The following CREB1 variants were observed in gnomAD, a reference collection of about 807,000 sequenced individuals.
The protein encoded by CREB1 is cAMP responsive element binding protein 1, also known as cyclic AMP-responsive element-binding protein 1.
CREB1 carries 2 observed loss-of-function variants against 42.0 expected under a neutral mutation model. That is an observed-to-expected ratio of 0.05 (90% CI 0.02 to 0.15). The LOEUF (loss-of-function observed/expected upper bound fraction) is 0.15, where lower values mean the gene tolerates loss of function less well. CREB1 is among the 10% of genes least tolerant of loss of function. The probability of loss-of-function intolerance (pLI) is 1.00; values close to 1 mark genes in which losing one functional copy is unlikely to be tolerated. For synonymous variants in CREB1, 123 were observed against 139.9 expected (o/e 0.88, Z 0.85); for missense variants, 199 against 388.9 (o/e 0.51, Z 4.11).
At chr2:207,530,622 G>A (rs2080569296) in intron 1 of CREB1, among the ~76,000 whole-genome samples, 1 of 149,290 alleles carries the variant, frequency 6.7e-6, no homozygotes, top group African/African-American at 2.4e-5. Flanking sequence ...CGACCCGGCC[G>A]GGCCTCCGGG....
intron 7 of CREB1, among the ~76,000 whole-genome samples, chr2:207,588,906 C>A (rs2084433513): frequency 6.7e-6 from 1 of 150,370 alleles, no homozygotes; most frequent in Non-Finnish European, 1.5e-5. Context: ...GGTGTAGATT[C>A]TTTGGGATTC....
intron 1 of CREB1, among the ~76,000 whole-genome samples, chr2:207,543,014 A>G (rs752213110): frequency 2.6e-5 from 4 of 152,230 alleles, no homozygotes; most frequent in African/African-American, 4.8e-5. Context: ...GGACCCCTTC[A>G]GGTACCAAAT....
In CREB1 at chr2:207,597,297, C is replaced by A. The variant is rs1248652647; in HGVS notation, c.*239C>A. 2 of 415,702 alleles carry A rather than the reference C, an allele frequency of 4.8e-6. No individual in the cohort carries two copies. Among genetic ancestry groups the A allele is most frequent in the African/African-American group, 2.1e-5 (1 of 48,146 alleles). 25.8% of individuals were successfully genotyped at this position (415,702 alleles called of 1,614,324 possible). Reference sequence around the variant, plus strand: ...AACGCCAGGAATCATGAAGAGACTTCTGCTTTTCAACCCCCACCCTCCTCA... The same window carrying A: ...AACGCCAGGAATCATGAAGAGACTTATGCTTTTCAACCCCCACCCTCCTCA... On this transcript the variant is annotated 3_prime_UTR_variant, in exon 8 of 8. Transcript: ENST00000353267.
rs561431993 is a variant in CREB1, at chr2:207,597,235, C to A, written c.*177C>A. 3.4e-6 allele frequency: 2 copies of A among 592,240 alleles called. No individual in the cohort carries two copies. Among genetic ancestry groups the A allele is most frequent in the Non-Finnish European group, 5.3e-6 (2 of 375,054 alleles). The allele number at this position is 592,240 out of a possible 1,614,324, so 36.7% of individuals were successfully genotyped here. The stretch of plus-strand genomic sequence containing the variant: ...CTTTTGCATTAAACTGTGAATGTTC[C>A]AACACCTGCCTCCACTTCTCCCCTC... On this transcript the variant is annotated 3_prime_UTR_variant, in exon 8 of 8. Coordinates refer to ENST00000353267, the MANE Select transcript of CREB1 (RefSeq NM_004379.5).
At chr2:207,562,304 C>G (rs1345046173) in intron 3 of CREB1, among the ~76,000 whole-genome samples, 1 of 152,082 alleles carries the variant, frequency 6.6e-6, no homozygotes, top group African/African-American at 2.4e-5. Flanking sequence ...TATAGAAGAT[C>G]TTTCTATAAA....
At chr2:207,584,023 C>G (rs77540728) in intron 7 of CREB1, among the ~76,000 whole-genome samples, 1,830 of 152,216 alleles carry the variant, frequency 0.012, 22 homozygotes, top group African/African-American at 0.028. Context: ...TGGGACTTAT[C>G]CCAGATAATT....
At position 207,578,785 on chromosome 2, in the gene CREB1, C is replaced by CAAGTG. The variant is rs200966442; in HGVS notation, c.839+1132_839+1136dup. 8.6e-3 allele frequency among the ~76,000 whole-genome samples: 1,305 copies of CAAGTG among 151,822 alleles called. 17 individuals are homozygous for CAAGTG. The highest frequency in any genetic ancestry group is 0.03 in the African/African-American group (1,244 of 41,380). On this transcript the variant is annotated intron_variant, in intron 7 of 7. Coordinates refer to ENST00000353267, the MANE Select transcript of CREB1 (RefSeq NM_004379.5). ...ATTAGAAAAAGAGTTGGAAACAAGCCAAGTGACTTTTTTTTTTTCTCCCGA... is the reference window on the plus strand; with the variant it reads ...ATTAGAAAAAGAGTTGGAAACAAGCCAAGTGAAGTGACTTTTTTTTTTTCTCCCGA...
At chr2:207,551,034 C>G (rs1355773450) in intron 1 of CREB1, among the ~76,000 whole-genome samples, 4 of 152,160 alleles carry the variant, frequency 2.6e-5, no homozygotes, top group Non-Finnish European at 5.9e-5. Context: ...CTCTTATCAG[C>G]CACTACTTGC....
In CREB1 at chr2:207,598,011, C is replaced by G. The variant is rs2086450719; in HGVS notation, c.*953C>G. The G allele has an allele frequency of 5.5e-6, 1 of 181,938 alleles. No individual in the cohort carries two copies. The allele number at this position is 181,938 out of a possible 1,614,324, so 11.3% of individuals were successfully genotyped here. A position where few individuals can be genotyped will look rare whatever the true frequency, so the allele number is the denominator to read the frequency against. Reference sequence around the variant, plus strand: ...AAGATATTTCTAATTTACTGTTGCCCATTGCACTTACATACCACCACCAAG... The same window carrying G: ...AAGATATTTCTAATTTACTGTTGCCGATTGCACTTACATACCACCACCAAG... On this transcript the variant is annotated 3_prime_UTR_variant, in exon 8 of 8. Coordinates refer to ENST00000353267, the MANE Select transcript of CREB1 (RefSeq NM_004379.5).
intron 1 of CREB1, among the ~76,000 whole-genome samples, chr2:207,530,418 T>G (rs1181082301): frequency 3.6e-4 from 40 of 111,572 alleles, no homozygotes; most frequent in Non-Finnish European, 4.2e-4. Flanking sequence ...GCGGGCGGGG[T>G]GGGAGCCGGC....
intron 3 of CREB1, among the ~76,000 whole-genome samples, chr2:207,563,708 C>T (rs1490242732): frequency 6.6e-6 from 1 of 152,172 alleles, no homozygotes; most frequent in African/African-American, 2.4e-5. Context: ...CTTTGGGAGG[C>T]TGAGGCGGGC....
At chr2:207,567,366 A>T in intron 3 of CREB1, 97 bp from the exon 4 acceptor site, 2 of 743,192 alleles carry the variant, frequency 2.7e-6, no homozygotes, top group Non-Finnish European at 4.3e-6. Context: ...CTACTGAAGC[A>T]TGTATAAAGT....
intron 7 of CREB1, among the ~76,000 whole-genome samples, chr2:207,586,942 ATTAG>A (rs1348536784): frequency 2.0e-5 from 3 of 152,222 alleles, no homozygotes; most frequent in African/African-American, 7.2e-5. Flanking sequence ...AGGAAGTATC[ATTAG>A]TTAGAATGGC....
chr2:207,570,115 T>C, intron 4 of CREB1, 64 bp from the exon 5 acceptor site: 2 of 1,227,516 alleles, frequency 1.6e-6, no homozygotes, highest in Non-Finnish European at 2.3e-6. Flanking sequence ...TCTTTAACTA[T>C]ATTTGTATTT....
intron 7 of CREB1, among the ~76,000 whole-genome samples, chr2:207,582,492 ATGT>A (rs2083095224): frequency 6.6e-6 from 1 of 152,170 alleles, no homozygotes; most frequent in South Asian, 2.1e-4. Context: ...GTTATTTATT[ATGT>A]TGTTCATATT....
chr2:207,598,898 G>A lies in CREB1; in HGVS notation c.*1840G>A. The A allele has an allele frequency of 5.6e-6, 1 of 178,782 alleles. No homozygotes were observed. The highest frequency in any genetic ancestry group is 1.2e-5 in the Non-Finnish European group (1 of 83,404). 11.1% of individuals were successfully genotyped at this position (178,782 alleles called of 1,614,324 possible). ...AGGAAATTCCTTTTAAAAAAGAGTT[G>A]AGACACTTAGAAAACTAATGTTTTA... is the stretch of plus-strand genomic sequence containing the variant. On this transcript the variant is annotated 3_prime_UTR_variant, in exon 8 of 8. Transcript: ENST00000353267.
At chr2:207,577,298 G>T in intron 6 of CREB1, 6 of 1,046,862 alleles carry the variant, frequency 5.7e-6, no homozygotes, top group Non-Finnish European at 7.8e-6. Flanking sequence ...AGCGGACATA[G>T]GTTACTGTAA....
rs1043239029 is a variant in CREB1, at chr2:207,597,381, T to C, written c.*323T>C. 7.1e-6 allele frequency: 2 copies of C among 280,980 alleles called. No individual in the cohort carries two copies. The highest frequency in any genetic ancestry group is 1.9e-4 in the South Asian group (2 of 10,434). 17.4% of individuals were successfully genotyped at this position (280,980 alleles called of 1,614,324 possible). ...GGAGAAATGAGGAAAAGAAAATCTT[T>C]TTAAAAATGATTTCAAGGTTTGTGC... On this transcript the variant is annotated 3_prime_UTR_variant, in exon 8 of 8. Coordinates refer to ENST00000353267, the MANE Select transcript of CREB1 (RefSeq NM_004379.5).
rs926921616 is a variant in CREB1, at chr2:207,605,438, T to C, written c.*8380T>C. On this transcript the variant is annotated 3_prime_UTR_variant, in exon 8 of 8. Transcript: ENST00000353267. ...TGAGTTCCTTATATATTCTGGGTACTAGGCCCTTATAATATTTTCGCCTAT... is the reference window on the plus strand; with the variant it reads ...TGAGTTCCTTATATATTCTGGGTACCAGGCCCTTATAATATTTTCGCCTAT... 1.3e-5 allele frequency among the ~76,000 whole-genome samples: 2 copies of C among 152,206 alleles called. No individual in the cohort carries two copies. Among genetic ancestry groups the C allele is most frequent in the African/African-American group, 4.8e-5 (2 of 41,440 alleles).
Sources: gnomAD v4.1 joint callset for allele counts (sites outside exome capture counted in the v4.1 genomes callset) on GRCh38, gnomAD v4.1.1 for gene constraint, MANE v1.5 for transcripts, NCBI Gene and HGNC (gene_info 2026-07-23, HGNC 2026-07-21) for gene names.